Variants in PTER observed in about 807,000 individuals in gnomAD.
PTER encodes the protein phosphotriesterase related, also known as N-acetyltaurine hydrolase.
Under a neutral mutation model 29.6 loss-of-function variants are expected in PTER, and 38 were observed. That is an observed-to-expected ratio of 1.28 (90% CI 0.99 to 1.68). PTER has a LOEUF of 1.68. Ranked by LOEUF, PTER falls within the 40% of genes most tolerant of loss-of-function variation. PTER has a pLI of 0.00. For missense variants in PTER, 482 were observed against 427.8 expected (o/e 1.13, Z -1.12); for synonymous variants, 172 against 154.5 (o/e 1.11, Z -0.84).
In PTER at chr10:16,437,067, G is replaced by C. The variant is rs1833674912; in HGVS notation, c.-49+20G>C. The C allele has an allele frequency of 6.6e-6, 1 of 152,456 alleles. No homozygotes were observed. Among genetic ancestry groups the C allele is most frequent in the Non-Finnish European group, 1.5e-5 (1 of 68,238 alleles). 9.4% of individuals were successfully genotyped at this position (152,456 alleles called of 1,614,324 possible). A position where few individuals can be genotyped will look rare whatever the true frequency, so the allele number is the denominator to read the frequency against. ...CCCGAGGTAAGGCTTCTTGGAGTCA[G>C]AGCAGGAGCCGGAACTGTGGGCCCA... On this transcript the variant is annotated intron_variant, in intron 1 of 4. Coordinates refer to ENST00000535784, the MANE Select transcript of PTER (RefSeq NM_001261836.2).
intron 1 of PTER, among the ~76,000 whole-genome samples, chr10:16,468,724 C>T (rs990561154): frequency 2.3e-4 from 35 of 152,120 alleles, no homozygotes; most frequent in Admixed American, 6.6e-5. Flanking sequence ...CCTATAATCC[C>T]ATTACTTTGG....
intron 1 of PTER, among the ~76,000 whole-genome samples, chr10:16,472,497 T>A (rs1247464812): frequency 1.3e-5 from 2 of 152,184 alleles, no homozygotes; most frequent in Non-Finnish European, 2.9e-5. Flanking sequence ...CAAGCTCTCT[T>A]GCCTGCTGCC....
intron 1 of PTER, among the ~76,000 whole-genome samples, chr10:16,438,645 A>G (rs1833742001): frequency 6.7e-6 from 1 of 149,962 alleles, no homozygotes; most frequent in Non-Finnish European, 1.5e-5. Flanking sequence ...GAGTGGTCTC[A>G]GGCCAGGCGC....
chr10:16,454,619 C>A (rs1191224747), intron 1 of PTER, among the ~76,000 whole-genome samples: 2 of 151,704 alleles, frequency 1.3e-5, no homozygotes, highest in South Asian at 2.1e-4. Context: ...CCTATTGAAT[C>A]AGGAATTATT....
intron 1 of PTER, among the ~76,000 whole-genome samples, chr10:16,463,222 A>AATT: frequency 1.3e-5 from 2 of 150,500 alleles, no homozygotes; most frequent in South Asian, 4.2e-4. Flanking sequence ...AAAAAAAAAA[A>AATT]TACTGTTTCT....
chr10:16,477,928 C>T (rs1365463818), intron 1 of PTER, among the ~76,000 whole-genome samples: 1 of 152,114 alleles, frequency 6.6e-6, no homozygotes, highest in Non-Finnish European at 1.5e-5. Flanking sequence ...TGGGAGGCAA[C>T]CTATGACTAG....
chr10:16,481,355 T>C (rs1230664666), intron 1 of PTER, among the ~76,000 whole-genome samples: 1 of 152,184 alleles, frequency 6.6e-6, no homozygotes, highest in Non-Finnish European at 1.5e-5. Context: ...CTCTCTTCTC[T>C]ATGGGGGAAG....
intron 1 of PTER, among the ~76,000 whole-genome samples, chr10:16,463,151 C>A (rs1390587760): frequency 6.7e-6 from 1 of 148,992 alleles, no homozygotes; most frequent in Admixed American, 6.7e-5. Context: ...CAAGATTGTT[C>A]CACTGCACTC....
chr10:16,447,577 A>G (rs1283503540), intron 1 of PTER, among the ~76,000 whole-genome samples: 1 of 152,094 alleles, frequency 6.6e-6, no homozygotes, highest in African/African-American at 2.4e-5. Context: ...ATTAAGGACA[A>G]TTTTTTATAA....
At chr10:16,442,118 T>A (rs1833870326) in intron 1 of PTER, among the ~76,000 whole-genome samples, 1 of 152,238 alleles carries the variant, frequency 6.6e-6, no homozygotes, top group African/African-American at 2.4e-5. Flanking sequence ...TTTCGTGCTC[T>A]TTTATGTAAC....
chr10:16,515,241 A>G (rs565406809), downstream of PTER, among the ~76,000 whole-genome samples: 2 of 152,094 alleles, frequency 1.3e-5, no homozygotes, highest in East Asian at 3.9e-4. Flanking sequence ...AAAAAAAAGA[A>G]AAAGTCTTTT....
intron 3 of PTER, among the ~76,000 whole-genome samples, chr10:16,499,718 A>G (rs1836259866): frequency 6.6e-6 from 1 of 152,148 alleles, no homozygotes; most frequent in African/African-American, 2.4e-5. Context: ...TGCTGGGATT[A>G]CAAGCATGAG....
At chr10:16,449,699 A>G (rs1214700382) in intron 1 of PTER, among the ~76,000 whole-genome samples, 2 of 152,204 alleles carry the variant, frequency 1.3e-5, no homozygotes, top group Admixed American at 1.3e-4. Context: ...GAGCAATCAC[A>G]GAGCTCTTCA....
chr10:16,455,833 G>C (rs1182937086), intron 1 of PTER, among the ~76,000 whole-genome samples: 1 of 152,202 alleles, frequency 6.6e-6, no homozygotes, highest in Admixed American at 6.5e-5. Context: ...CTAATTTTGT[G>C]TTTGTAATAG....
At position 16,441,191 on chromosome 10, in the gene PTER, A is replaced by G. The variant is rs148608413; in HGVS notation, c.-49+4144A>G. Among the ~76,000 whole-genome samples, 379 of 152,374 alleles carry G rather than the reference A, an allele frequency of 2.5e-3. 3 individuals carry two copies. The highest frequency in any genetic ancestry group is 8.6e-3 in the African/African-American group (356 of 41,598). On this transcript the variant is annotated intron_variant, in intron 1 of 4. Transcript: ENST00000535784. ...AATCAAGGCTTTCATTTTTACTTTG[A>G]AAAACACAATTTATATATTTTTAAC...
chr10:16,462,960 GA>G (rs1834673880), intron 1 of PTER, among the ~76,000 whole-genome samples: 1 of 151,566 alleles, frequency 6.6e-6, no homozygotes, highest in Admixed American at 6.6e-5. Flanking sequence ...TTGGGAGGCC[GA>G]GGAGTGCAAA....
chr10:16,446,560 A>T (rs560632345), intron 1 of PTER, among the ~76,000 whole-genome samples: 1 of 152,110 alleles, frequency 6.6e-6, no homozygotes, highest in South Asian at 2.1e-4. Flanking sequence ...AATGTTCTCC[A>T]TGAAGACTCT....
At position 16,511,297 on chromosome 10, in the gene PTER, C is replaced by G; in HGVS notation, c.*41C>G. 2 of 1,542,724 alleles carry G rather than the reference C, an allele frequency of 1.3e-6. No homozygotes were observed. The highest frequency in any genetic ancestry group is 9.0e-7 in the Non-Finnish European group (1 of 1,116,824). ...ATTCACACCTTGAGTATAAAACTTG[C>G]AGAGAACATTCAGCGATTTCCAGTC... On this transcript the variant is annotated 3_prime_UTR_variant, in exon 5 of 5. Transcript: ENST00000535784.
chr10:16,461,467 G>A (rs1391608848), intron 1 of PTER, among the ~76,000 whole-genome samples: 1 of 152,074 alleles, frequency 6.6e-6, no homozygotes, highest in Non-Finnish European at 1.5e-5. Context: ...CAAAGACCAG[G>A]AAAGAGTGAT....
Sources: allele counts gnomAD v4.1 joint callset (sites outside exome capture counted in the v4.1 genomes callset), GRCh38; gene constraint gnomAD v4.1.1; transcripts MANE v1.5; gene names NCBI Gene and HGNC (gene_info 2026-07-23, HGNC 2026-07-21).